Variants in RBFOX2 observed in about 807,000 individuals in gnomAD.
RBFOX2 encodes RNA binding fox-1 homolog 2.
RBFOX2 carries 10 observed loss-of-function variants against 49.1 expected under a neutral mutation model. The ratio of observed to expected loss-of-function variants is 0.20; its 90% CI spans 0.13 to 0.35. RBFOX2 has a LOEUF of 0.35. Among genes scored for constraint, RBFOX2 ranks in the 10% least tolerant of loss-of-function variants. The pLI is 1.00. For synonymous variants in RBFOX2, 183 were observed against 187.4 expected (o/e 0.98, Z 0.19); for missense variants, 323 against 486.9 (o/e 0.66, Z 3.17).
chr22:35,849,605 T>C (rs1455178220), intron 1 of RBFOX2, among the ~76,000 whole-genome samples: 1 of 152,120 alleles, frequency 6.6e-6, no homozygotes, highest in Non-Finnish European at 1.5e-5. Context: ...CCATACAATA[T>C]ACACCATACA....
intron 4 of RBFOX2, among the ~76,000 whole-genome samples, chr22:35,771,044 T>C (rs1942524145): frequency 6.6e-6 from 1 of 152,220 alleles, no homozygotes; most frequent in Non-Finnish European, 1.5e-5. Context: ...AGAAGATTTC[T>C]TTCTTTGCTT....
chr22:35,744,285 TTGA>T, intron 11 of RBFOX2, 36 bp from the exon 14 acceptor site: 1 of 1,576,386 alleles, frequency 6.3e-7, no homozygotes, highest in Non-Finnish European at 8.7e-7. Flanking sequence ...AATTAAAAGG[TTGA>T]TGAGAGAAGC....
chr22:35,787,835 C>T (rs1013959324), intron 2 of RBFOX2, among the ~76,000 whole-genome samples: 7 of 152,174 alleles, frequency 4.6e-5, no homozygotes, highest in African/African-American at 4.8e-5. Flanking sequence ...TCCGACCTAA[C>T]GTATCCACTG....
intron 1 of RBFOX2, among the ~76,000 whole-genome samples, chr22:35,982,113 T>C (rs2057485072): frequency 6.6e-6 from 1 of 152,130 alleles, no homozygotes; most frequent in African/African-American, 2.4e-5. Context: ...GGCAAATTCC[T>C]TTCCATTCTT....
intron 1 of RBFOX2, among the ~76,000 whole-genome samples, chr22:35,818,156 A>G (rs771946532): frequency 1.3e-5 from 2 of 152,208 alleles, no homozygotes; most frequent in Non-Finnish European, 2.9e-5. Flanking sequence ...AATAGTCTTA[A>G]TATTTCCAAC....
chr22:35,929,657 T>A (rs1174993313), intron 1 of RBFOX2, among the ~76,000 whole-genome samples: 3 of 152,146 alleles, frequency 2.0e-5, no homozygotes, highest in Non-Finnish European at 2.9e-5. Context: ...CGACCATTTT[T>A]TTTGTTTTTT....
rs754928409 is a variant in RBFOX2, at chr22:35,947,532, C to T, written c.43-8635G>A. 4.0e-5 allele frequency among the ~76,000 whole-genome samples: 6 copies of T among 151,360 alleles called. 1 individual carries two copies. In the South Asian group the frequency reaches 1.3e-3, roughly 32 times the overall value. ...TTGTTATCATAGAAAATGACAGCTC[C>T]ATGTGTGTTACTGGCCATTACCACC... On this transcript the variant is annotated intron_variant, in intron 1 of 5. Transcript: ENST00000408983.
At chr22:35,871,034 C>G (rs2044295088) in intron 1 of RBFOX2, among the ~76,000 whole-genome samples, 1 of 152,210 alleles carries the variant, frequency 6.6e-6, no homozygotes, top group African/African-American at 2.4e-5. Flanking sequence ...AAAAGGTTTA[C>G]TCTTGTCCTT....
chr22:35,897,559 G>C (rs1422464740), intron 1 of RBFOX2: 3 of 899,768 alleles, frequency 3.3e-6, no homozygotes, highest in African/African-American at 3.3e-5. Context: ...GTGAGCCACA[G>C]CAAAGATGTA....
exon 1 of RBFOX2, chr22:35,938,850 G>A: frequency 1.2e-6 from 2 of 1,613,480 alleles, no homozygotes; most frequent in Middle Eastern, 1.6e-4. Flanking sequence ...TACCAACCTG[G>A]CTGTCCCGCG....
intron 1 of RBFOX2, among the ~76,000 whole-genome samples, chr22:35,986,982 C>T (rs1167497354): frequency 1.3e-5 from 2 of 150,098 alleles, no homozygotes; most frequent in African/African-American, 4.9e-5. Context: ...AAGACTGTTA[C>T]ATAAATGACC....
intron 2 of RBFOX2, among the ~76,000 whole-genome samples, chr22:35,788,912 T>A (rs917541887): frequency 6.6e-6 from 1 of 152,232 alleles, no homozygotes; most frequent in Non-Finnish European, 1.5e-5. Context: ...TTCGGGAAGC[T>A]GTATTATTGG....
chr22:35,764,885 A>C (rs1166405610), intron 6 of RBFOX2, among the ~76,000 whole-genome samples: 1 of 152,136 alleles, frequency 6.6e-6, no homozygotes, highest in East Asian at 1.9e-4. Flanking sequence ...AAAACTTATA[A>C]ACCTTACTAT....
intron 1 of RBFOX2, among the ~76,000 whole-genome samples, chr22:35,875,086 G>A (rs1480701471): frequency 6.6e-6 from 1 of 152,150 alleles, no homozygotes; most frequent in Non-Finnish European, 1.5e-5. Flanking sequence ...AGCCACAAGA[G>A]GAGGCTTCAG....
chr22:35,788,551 T>C (rs1946913746), intron 2 of RBFOX2, among the ~76,000 whole-genome samples: 1 of 152,224 alleles, frequency 6.6e-6, no homozygotes, highest in African/African-American at 2.4e-5. Flanking sequence ...AGTTTAATGA[T>C]AGTTTGGCTG....
At chr22:35,823,314 T>C (rs1954940567) in intron 1 of RBFOX2, among the ~76,000 whole-genome samples, 1 of 152,246 alleles carries the variant, frequency 6.6e-6, no homozygotes, top group Non-Finnish European at 1.5e-5. Flanking sequence ...CTGGACAGAC[T>C]GGCTTCCATA....
chr22:35,790,180 AG>A, intron 2 of RBFOX2, among the ~76,000 whole-genome samples: 1 of 152,256 alleles, frequency 6.6e-6, no homozygotes, highest in East Asian at 1.9e-4. Flanking sequence ...TAATCAAGGC[AG>A]CAAAATAGGG....
At chr22:35,877,858 G>GA (rs2045340983) in intron 1 of RBFOX2, among the ~76,000 whole-genome samples, 1 of 151,754 alleles carries the variant, frequency 6.6e-6, no homozygotes, top group African/African-American at 2.4e-5. Flanking sequence ...TTCCGTTACT[G>GA]AAAAAAATCA....
chr22:35,848,978 T>C (rs995471385), intron 1 of RBFOX2, among the ~76,000 whole-genome samples: 6 of 152,162 alleles, frequency 3.9e-5, no homozygotes, highest in Non-Finnish European at 7.4e-5. Flanking sequence ...TTTTTCTTAC[T>C]ATAAGATATT....
Sources: gnomAD v4.1 joint callset for allele counts (sites outside exome capture counted in the v4.1 genomes callset) on GRCh38, gnomAD v4.1.1 for gene constraint, MANE v1.5 for transcripts, NCBI Gene and HGNC (gene_info 2026-07-23, HGNC 2026-07-21) for gene names.